COL9A1: variants seen among roughly 807,000 people sequenced by gnomAD.
COL9A1 encodes collagen alpha-1(IX) chain.
A neutral mutation model predicts 142.6 loss-of-function variants in COL9A1; 104 were observed. That is an observed-to-expected ratio of 0.73 (90% CI 0.62 to 0.86). The LOEUF (loss-of-function observed/expected upper bound fraction) is 0.86, where lower values mean the gene tolerates loss of function less well. Ranked by LOEUF, COL9A1 falls within the 40% of genes least tolerant of loss-of-function variation. The pLI, the probability that COL9A1 is intolerant of heterozygous loss-of-function variation, is 0.00. For synonymous variants in COL9A1, 466 were observed against 396.0 expected, an observed-to-expected ratio of 1.18 and a Z score of -2.10; for missense variants, 1,210 against 1,176.6, an observed-to-expected ratio of 1.03 and a Z score of -0.42.
At chr6:70,282,450 G>A (rs1477947189) in intron 7 of COL9A1, among the ~76,000 whole-genome samples, 1 of 152,156 alleles carries the variant, frequency 6.6e-6, no homozygotes, top group African/African-American at 2.4e-5. Context: ...GGAGCCGCCA[G>A]CACCGCTAGC....
In COL9A1 at chr6:70,255,002, C is replaced by T. The variant is rs1309023861; in HGVS notation, c.1626G>A (p.Val542=). ...TTCCAGGGATCCCATCACGGCCATC[C>T]ACACCTGGCAAACCCTAAACACACA... is the stretch of plus-strand genomic sequence containing the variant. The part of the protein sequence containing the change: ...GPKGDTGLPG[V]DGRDGIPGMP... Residue 542 remains valine (V), a synonymous_variant, in exon 24 of 38, where the codon GTG becomes GTA. Coordinates refer to ENST00000357250, the MANE Select transcript of COL9A1 (RefSeq NM_001851.6). 19 of 1,614,186 alleles carry T rather than the reference C, an allele frequency of 1.2e-5. No homozygotes were observed. Among genetic ancestry groups the T allele is most frequent in the Admixed American group, 1.7e-5 (1 of 60,018 alleles).
intron 36 of COL9A1, among the ~76,000 whole-genome samples, chr6:70,226,481 ACT>A (rs1417700265): frequency 1.3e-5 from 2 of 152,016 alleles, no homozygotes; most frequent in African/African-American, 4.8e-5. Flanking sequence ...ATATCTTAAA[ACT>A]CTAGAAAGTT....
chr6:70,295,741 G>A (rs775002880), intron 4 of COL9A1, among the ~76,000 whole-genome samples: 2 of 152,142 alleles, frequency 1.3e-5, no homozygotes, highest in Non-Finnish European at 2.9e-5. Context: ...ATATTCTTTT[G>A]CTGAAGCCAA....
intron 19 of COL9A1, among the ~76,000 whole-genome samples, chr6:70,261,775 A>G (rs1367774579): frequency 1.3e-5 from 2 of 152,222 alleles, no homozygotes; most frequent in East Asian, 1.9e-4. Flanking sequence ...TATTTCTACA[A>G]AAAGAAATAT....
chr6:70,288,533 GA>G (rs1419784415), intron 5 of COL9A1, among the ~76,000 whole-genome samples: 1 of 152,184 alleles, frequency 6.6e-6, no homozygotes, highest in Admixed American at 6.5e-5. Flanking sequence ...CACACAGTGT[GA>G]AAGCCAAAGT....
intron 5 of COL9A1, among the ~76,000 whole-genome samples, chr6:70,286,399 T>G (rs915094358): frequency 2.0e-5 from 3 of 152,214 alleles, no homozygotes; most frequent in African/African-American, 7.2e-5. Flanking sequence ...AAAAACTAAC[T>G]GCAGACAACT....
At chr6:70,256,972 G>A (rs1771344638) in intron 20 of COL9A1, 151 bp from the exon 21 acceptor site, 1 of 671,334 alleles carries the variant, frequency 1.5e-6, no homozygotes, top group Admixed American at 2.5e-5. Flanking sequence ...AATTACTCAG[G>A]CACCTCAGGT....
chr6:70,276,503 C>T (rs1043347223), intron 10 of COL9A1, among the ~76,000 whole-genome samples: 3 of 152,096 alleles, frequency 2.0e-5, no homozygotes, highest in Non-Finnish European at 4.4e-5. Flanking sequence ...AGCTGTTTTT[C>T]GGTTACTTCA....
chr6:70,260,375 C>G (rs1324855321), intron 20 of COL9A1, among the ~76,000 whole-genome samples: 1 of 151,962 alleles, frequency 6.6e-6, no homozygotes, highest in African/African-American at 2.4e-5. Context: ...AACCCCGTCT[C>G]TACTAAAAAA....
At chr6:70,277,250 A>T (rs1772822915) in intron 10 of COL9A1, among the ~76,000 whole-genome samples, 1 of 152,102 alleles carries the variant, frequency 6.6e-6, no homozygotes, top group South Asian at 2.1e-4. Context: ...GTACATATAA[A>T]AATATCTCTA....
chr6:70,280,458 C>G, intron 10 of COL9A1: 2 of 1,243,370 alleles, frequency 1.6e-6, no homozygotes, highest in Non-Finnish European at 2.0e-6. Flanking sequence ...GCAGGTAAGC[C>G]GAAGCCAGTA....
chr6:70,252,131 G>A lies in COL9A1; in HGVS notation c.1861C>T (p.Gln621Ter), dbSNP rs1770981059. 3.1e-6 allele frequency: 5 copies of A among 1,613,784 alleles called. No homozygotes were observed. Among genetic ancestry groups the A allele is most frequent in the East Asian group, 4.5e-5 (2 of 44,894 alleles). Residue 621 changes from glutamine to a stop codon, truncating the protein, a stop_gained, in exon 28 of 38, where the codon CAG becomes TAG. Coordinates refer to ENST00000357250, the MANE Select transcript of COL9A1 (RefSeq NM_001851.6). LOFTEE classifies it high-confidence loss of function. Reference protein sequence around the residue: ...PPGEVGPRGPQGLPGSRGELG... With the variant: ...PPGEVGPRGP ...CAAGGAATACTCACAGGAAGCCCCT[G>A]GGGTCCTCGGGGTCCCACCTCTCCT... is the stretch of plus-strand genomic sequence containing the variant.
At chr6:70,283,114 C>A in intron 6 of COL9A1, 196 bp from the exon 7 acceptor site, 1 of 1,496,008 alleles carries the variant, frequency 6.7e-7, no homozygotes, top group Non-Finnish European at 8.9e-7. Flanking sequence ...TCTAGGCTTC[C>A]AGACCCGCCA....
intron 11 of COL9A1, 67 bp downstream of exon 11, chr6:70,274,652 A>G: frequency 7.6e-7 from 1 of 1,322,910 alleles, no homozygotes; most frequent in South Asian, 1.2e-5. Flanking sequence ...GTTGGCTTGC[A>G]AACACTGCAA....
chr6:70,232,444 C>G (rs961616754), intron 36 of COL9A1, 139 bp downstream of exon 36: 10 of 999,404 alleles, frequency 1.0e-5, no homozygotes, highest in Non-Finnish European at 1.6e-5. Flanking sequence ...TCTTCACCGT[C>G]ACTATTGAAA....
chr6:70,220,264 G>C (rs1363513772), intron 37 of COL9A1, among the ~76,000 whole-genome samples: 1 of 152,072 alleles, frequency 6.6e-6, no homozygotes, highest in East Asian at 1.9e-4. Flanking sequence ...CTGAGAGTTA[G>C]GAAGGTCAAA....
At chr6:70,293,628 C>G (rs1026966970) in intron 5 of COL9A1, among the ~76,000 whole-genome samples, 1 of 123,054 alleles carries the variant, frequency 8.1e-6, no homozygotes, top group East Asian at 2.2e-4. Context: ...CTCTCTCTCT[C>G]TTTCACACAC....
chr6:70,277,977 C>G (rs148835195), intron 10 of COL9A1, among the ~76,000 whole-genome samples: 1 of 152,284 alleles, frequency 6.6e-6, no homozygotes, highest in East Asian at 1.9e-4. Context: ...GACCCAGTTA[C>G]TGCATTTCAT....
chr6:70,217,238 T>G (rs750731160), intron 37 of COL9A1, among the ~76,000 whole-genome samples, 157 bp from the exon 38 acceptor site: 1 of 152,160 alleles, frequency 6.6e-6, no homozygotes, highest in African/African-American at 2.4e-5. Context: ...ATGATGATGA[T>G]GATGATAATA....
Sources: gnomAD v4.1 joint callset for allele counts (sites outside exome capture counted in the v4.1 genomes callset) on GRCh38, gnomAD v4.1.1 for gene constraint, MANE v1.5 for transcripts, NCBI Gene and HGNC (gene_info 2026-07-23, HGNC 2026-07-21) for gene names.